Variants in KIF21A observed in about 807,000 individuals in gnomAD.
KIF21A encodes the protein kinesin-like protein KIF21A.
In KIF21A, 114 loss-of-function variants were observed where a neutral mutation model predicts 202.9. The observed-to-expected ratio is 0.56, with a 90% CI of 0.48 to 0.66. The LOEUF (loss-of-function observed/expected upper bound fraction) is 0.66. Among genes scored for constraint, KIF21A ranks in the 30% least tolerant of loss-of-function variants. KIF21A has a pLI of 0.00. For missense variants in KIF21A, 1,677 were observed against 1,994.9 expected, an observed-to-expected ratio of 0.84 and a Z score of 3.04; for synonymous variants, 667 against 670.8, an observed-to-expected ratio of 0.99 and a Z score of 0.09.
chr12:39,367,844 G>A, intron 4 of KIF21A, 39 bp downstream of exon 4: 2 of 1,543,118 alleles, frequency 1.3e-6, no homozygotes, highest in South Asian at 2.3e-5. Flanking sequence ...TTTAAATAAA[G>A]CCAACTATGC....
At chr12:39,352,560 C>T (rs904680788) in intron 10 of KIF21A, among the ~76,000 whole-genome samples, 3 of 152,186 alleles carry the variant, frequency 2.0e-5, no homozygotes, top group Admixed American at 6.5e-5. Flanking sequence ...GTTGTCCTTG[C>T]TTGTAAACCT....
At chr12:39,382,260 T>C (rs1950660873) in intron 1 of KIF21A, among the ~76,000 whole-genome samples, 1 of 152,176 alleles carries the variant, frequency 6.6e-6, no homozygotes, top group African/African-American at 2.4e-5. Flanking sequence ...CTCTTATATA[T>C]TTGTAAGATT....
In KIF21A at chr12:39,355,707, T is replaced by TTTTATATA. The variant is rs1351512351; in HGVS notation, c.1469+1124_1469+1125insTATATAAA. Among the ~76,000 whole-genome samples the TTTTATATA allele has an allele frequency of 1.3e-3, 131 of 101,230 alleles. 7 individuals carry two copies. Among genetic ancestry groups the TTTTATATA allele is most frequent in the African/African-American group, 6.2e-3 (127 of 20,630 alleles). The allele number at this position is 101,230 out of a possible 152,430, so 66.4% of individuals were successfully genotyped here. ...TACCAAAAACATGAAGCATGAACAATTATATATATATATATATATATATAT... is the reference window on the plus strand; with the variant it reads ...TACCAAAAACATGAAGCATGAACAATTTTATATATATATATATATATATATATATATAT... On this transcript the variant is annotated intron_variant, in intron 10 of 37. Transcript: ENST00000361418.
intron 10 of KIF21A, among the ~76,000 whole-genome samples, chr12:39,355,494 A>G (rs1046586810): frequency 3.3e-5 from 5 of 151,888 alleles, no homozygotes; most frequent in Non-Finnish European, 7.4e-5. Context: ...AACTTCAAGA[A>G]TTAAAAAAAC....
At chr12:39,402,516 A>G (rs935010281) in intron 1 of KIF21A, among the ~76,000 whole-genome samples, 6 of 152,180 alleles carry the variant, frequency 3.9e-5, no homozygotes, top group Non-Finnish European at 7.3e-5. Flanking sequence ...TAGGCAGGTA[A>G]CATAGCAAGA....
In KIF21A at chr12:39,435,775, A is replaced by C. The variant is rs57669374; in HGVS notation, c.44+7152T>G. Among the ~76,000 whole-genome samples, 867 of 152,238 alleles carry C rather than the reference A, an allele frequency of 5.7e-3. 10 individuals carry two copies. Among genetic ancestry groups the C allele is most frequent in the African/African-American group, 0.02 (842 of 41,524 alleles). On this transcript the variant is annotated intron_variant, in intron 1 of 37. Coordinates refer to ENST00000361418, the MANE Select transcript of KIF21A (RefSeq NM_001173464.2). Reference sequence around the variant, plus strand: ...AGTATTAAGAACCAAAGTGGGAGGAAGCAGGGAAGCCACATGTCTCAGGCC... The same window carrying C: ...AGTATTAAGAACCAAAGTGGGAGGACGCAGGGAAGCCACATGTCTCAGGCC...
intron 1 of KIF21A, among the ~76,000 whole-genome samples, chr12:39,417,246 T>C (rs558692099): frequency 1.3e-5 from 2 of 152,026 alleles, no homozygotes; most frequent in Admixed American, 6.5e-5. Context: ...CAGTACTAAA[T>C]TGGGGGTGGG....
intron 20 of KIF21A, 65 bp downstream of exon 20, chr12:39,332,526 A>G: frequency 6.3e-7 from 1 of 1,580,268 alleles, no homozygotes; most frequent in Non-Finnish European, 8.7e-7. Flanking sequence ...CCCAGGGAAC[A>G]AAATTGGAAG....
chr12:39,416,715 G>GTATATGTACATATATATGTGTATA lies in KIF21A; in HGVS notation c.44+26211_44+26212insTATACACATATATATGTACATATA. ...TATATATATGTACATATATATGTGTGTATATATGTACATATATATGTGTAT... is the reference window on the plus strand; with the variant it reads ...TATATATATGTACATATATATGTGTGTATATGTACATATATATGTGTATATATATATGTACATATATATGTGTAT... On this transcript the variant is annotated intron_variant, in intron 1 of 37. Coordinates refer to ENST00000361418, the MANE Select transcript of KIF21A (RefSeq NM_001173464.2). Among the ~76,000 whole-genome samples the GTATATGTACATATATATGTGTATA allele has an allele frequency of 2.7e-5, 2 of 74,328 alleles. 1 individual carries two copies. Among genetic ancestry groups the GTATATGTACATATATATGTGTATA allele is most frequent in the African/African-American group, 1.5e-4 (2 of 13,788 alleles). The allele number at this position is 74,328 out of a possible 152,430, so 48.8% of individuals were successfully genotyped here.
At chr12:39,422,061 C>T (rs7305814) in intron 1 of KIF21A, among the ~76,000 whole-genome samples, 2 of 151,416 alleles carry the variant, frequency 1.3e-5, no homozygotes, top group Admixed American at 6.6e-5. Context: ...CTAGCTCAAG[C>T]GATTCTCCCA....
Position 39,441,667 on chromosome 12 carries a change from A to AAAAAAAAAAAAC in KIF21A, c.44+1259_44+1260insGTTTTTTTTTTT, listed in dbSNP as rs1374552596. Among the ~76,000 whole-genome samples, 57 of 145,776 alleles carry AAAAAAAAAAAAC rather than the reference A, an allele frequency of 3.9e-4. 7 individuals carry two copies. Among genetic ancestry groups the AAAAAAAAAAAAC allele is most frequent in the Non-Finnish European group, 6.2e-4 (41 of 66,330 alleles). On this transcript the variant is annotated intron_variant, in intron 1 of 37. Transcript: ENST00000361418. ...TGTCACCTCCCTGGGTGGTAAAAAAAAAAAAAAAAAAAACACTTAAAAACT... is the reference window on the plus strand; with the variant it reads ...TGTCACCTCCCTGGGTGGTAAAAAAAAAAAAAAAAAACAAAAAAAAAAAAACACTTAAAAACT...
intron 27 of KIF21A, among the ~76,000 whole-genome samples, chr12:39,320,952 AAAAAAAAG>A (rs1195231476): frequency 1.3e-5 from 2 of 151,088 alleles, no homozygotes; most frequent in African/African-American, 4.9e-5. Context: ...AAAAAAAAAA[AAAAAAAAG>A]TCTGGGAAAA....
chr12:39,308,650 A>T (rs1943709787), intron 33 of KIF21A, among the ~76,000 whole-genome samples: 1 of 152,034 alleles, frequency 6.6e-6, no homozygotes, highest in African/African-American at 2.4e-5. Context: ...TCTAGGTGAA[A>T]TTTTTTTTAA....
chr12:39,343,334 C>T (rs1002956442), intron 12 of KIF21A, among the ~76,000 whole-genome samples: 2 of 151,364 alleles, frequency 1.3e-5, no homozygotes, highest in Admixed American at 6.6e-5. Context: ...CACTCTAGCC[C>T]GGGCAACAGA....
At chr12:39,423,879 G>A (rs1011241001) in intron 1 of KIF21A, among the ~76,000 whole-genome samples, 1 of 149,992 alleles carries the variant, frequency 6.7e-6, no homozygotes, top group African/African-American at 2.5e-5. Context: ...GGCTACTCAA[G>A]AGGCTGAGGC....
intron 1 of KIF21A, among the ~76,000 whole-genome samples, chr12:39,440,908 A>AGCAG (rs1378033946): frequency 6.6e-6 from 1 of 152,096 alleles, no homozygotes; most frequent in Non-Finnish European, 1.5e-5. Flanking sequence ...TCAGCTACTC[A>AGCAG]GCAGGCTGAG....
intron 6 of KIF21A, among the ~76,000 whole-genome samples, chr12:39,365,418 C>CAAAT (rs1472051222): frequency 6.6e-6 from 1 of 152,124 alleles, no homozygotes; most frequent in Non-Finnish European, 1.5e-5. Flanking sequence ...TGTGCAGGTA[C>CAAAT]AAATATCCAG....
chr12:39,371,888 C>T (rs1438288938), intron 1 of KIF21A, among the ~76,000 whole-genome samples: 1 of 151,110 alleles, frequency 6.6e-6, no homozygotes, highest in Non-Finnish European at 1.5e-5. Flanking sequence ...AAGACAGCAC[C>T]ACTGCACTCC....
chr12:39,412,051 T>C (rs1953134984), intron 1 of KIF21A, among the ~76,000 whole-genome samples: 1 of 151,748 alleles, frequency 6.6e-6, no homozygotes, highest in African/African-American at 2.4e-5. Context: ...TTATTGGCCA[T>C]GCTGGTCTAG....
Sources: allele counts gnomAD v4.1 joint callset (sites outside exome capture counted in the v4.1 genomes callset), GRCh38; gene constraint gnomAD v4.1.1; transcripts MANE v1.5; gene names NCBI Gene and HGNC (gene_info 2026-07-23, HGNC 2026-07-21).